The following VPS37A variants were observed in gnomAD, a reference collection of about 807,000 sequenced individuals.
VPS37A encodes the protein vacuolar protein sorting-associated protein 37A.
A neutral mutation model predicts 49.8 loss-of-function variants in VPS37A; 30 were observed. The observed-to-expected ratio is 0.60, with a 90% CI of 0.45 to 0.82. The LOEUF (loss-of-function observed/expected upper bound fraction) is 0.82. Among genes scored for constraint, VPS37A ranks in the 40% least tolerant of loss-of-function variants. The pLI, the probability that VPS37A is intolerant of heterozygous loss-of-function variation, is 0.00. For synonymous variants in VPS37A, 195 were observed against 160.6 expected, an observed-to-expected ratio of 1.21 and a Z score of -1.62; for missense variants, 593 against 464.4, an observed-to-expected ratio of 1.28 and a Z score of -2.55.
At chr8:17,269,152 A>G (rs1413293400) in intron 4 of VPS37A, among the ~76,000 whole-genome samples, 196 bp downstream of exon 4, 1 of 152,170 alleles carries the variant, frequency 6.6e-6, no homozygotes, top group Non-Finnish European at 1.5e-5. Flanking sequence ...CTTTCTGAAT[A>G]ATGTATGCGT....
chr8:17,304,169 T>G (rs1009070399), downstream of VPS37A, among the ~76,000 whole-genome samples: 15 of 152,162 alleles, frequency 9.9e-5, no homozygotes, highest in African/African-American at 3.4e-4. Flanking sequence ...CATCACCTCC[T>G]GAAGAAAATT....
chr8:17,277,934 G>A (rs1018233808), intron 6 of VPS37A, among the ~76,000 whole-genome samples: 2 of 148,420 alleles, frequency 1.3e-5, no homozygotes, highest in Admixed American at 6.7e-5. Context: ...ACATATGTTC[G>A]TATACATGTA....
chr8:17,259,951 A>G (rs1220540434), intron 1 of VPS37A, among the ~76,000 whole-genome samples: 1 of 152,044 alleles, frequency 6.6e-6, no homozygotes, highest in African/African-American at 2.4e-5. Flanking sequence ...CTTTCAGTCT[A>G]CGTGTGTCTT....
At chr8:17,322,061 T>C in the VPS37A span, among the ~76,000 whole-genome samples, 2 of 152,176 alleles carry the variant, frequency 1.3e-5, no homozygotes, top group Non-Finnish European at 2.9e-5. Context: ...GTCTTTCTTG[T>C]ACCCTGAGAT....
In VPS37A at chr8:17,280,304, T is replaced by A. The variant is rs987601069; in HGVS notation, c.900+7T>A. 14 of 1,609,716 alleles carry A rather than the reference T, an allele frequency of 8.7e-6. No individual in the cohort carries two copies. In the African/African-American group the frequency reaches 1.2e-4, roughly 14 times the overall value. ...ACAAACTGTTTTAGATAAGGTGAGT[T>A]AGTGATAATTTTGAAGAAATTTACA... On this transcript the variant is annotated splice_region_variant and intron_variant, in intron 8 of 11. Transcript: ENST00000324849.
At chr8:17,264,184 G>A (rs1336282294) in intron 1 of VPS37A, among the ~76,000 whole-genome samples, 1 of 152,112 alleles carries the variant, frequency 6.6e-6, no homozygotes, top group Non-Finnish European at 1.5e-5. Context: ...TAAATAAATG[G>A]TAAAGACAGG....
At chr8:17,271,472 G>T (rs1242684832) in intron 4 of VPS37A, among the ~76,000 whole-genome samples, 3 of 152,138 alleles carry the variant, frequency 2.0e-5, no homozygotes, top group Non-Finnish European at 4.4e-5. Flanking sequence ...TGGGCATGGT[G>T]GTGGGCACCT....
the VPS37A span, among the ~76,000 whole-genome samples, chr8:17,319,884 A>G: frequency 5.9e-5 from 9 of 152,170 alleles, no homozygotes; most frequent in African/African-American, 2.2e-4. Flanking sequence ...TGTGCTTTCT[A>G]TCACTTACAA....
At chr8:17,267,467 T>TTTTGTG (rs1554491549) in intron 2 of VPS37A, among the ~76,000 whole-genome samples, 18,636 of 151,366 alleles carry the variant, frequency 0.12, 1,423 homozygotes, top group South Asian at 0.2. Context: ...AAATTTCTGC[T>TTTTGTG]TGTGTGTGTG....
chr8:17,314,950 G>C, the VPS37A span, among the ~76,000 whole-genome samples: 2 of 152,188 alleles, frequency 1.3e-5, no homozygotes, highest in African/African-American at 4.8e-5. Flanking sequence ...ATGCAGAACG[G>C]TAAATGAGAG....
intron 11 of VPS37A, among the ~76,000 whole-genome samples, chr8:17,288,192 C>A (rs1264950187): frequency 2.0e-5 from 3 of 152,058 alleles, no homozygotes; most frequent in Admixed American, 2.0e-4. Flanking sequence ...ACCTCTATTC[C>A]CTCATAGTCA....
At chr8:17,256,386 C>G (rs1044721915) in intron 1 of VPS37A, among the ~76,000 whole-genome samples, 27 of 134,880 alleles carry the variant, frequency 2.0e-4, no homozygotes, top group African/African-American at 6.5e-4. Flanking sequence ...AGTCCCACTT[C>G]AGTCTTGCAC....
Position 17,297,493 on chromosome 8 carries a change from A to C in VPS37A, c.*2507A>C. 6.6e-6 allele frequency: 1 copy of C among 152,084 alleles called. No homozygotes were observed. Among genetic ancestry groups the C allele is most frequent in the Non-Finnish European group, 1.5e-5 (1 of 67,944 alleles). The allele number at this position is 152,084 out of a possible 1,614,324, so 9.4% of individuals were successfully genotyped here. A position where few individuals can be genotyped will look rare whatever the true frequency, so the allele number is the denominator to read the frequency against. On this transcript the variant is annotated 3_prime_UTR_variant, in exon 12 of 12. Transcript: ENST00000324849. ...TATTCTATGGTTTCTGTCTCTGATC[A>C]TCACCTTCCATTCTATAAAAAGCTC... is the stretch of plus-strand genomic sequence containing the variant.
downstream of VPS37A, chr8:17,298,975 G>A (rs543588827): frequency 1.3e-5 from 2 of 152,268 alleles, no homozygotes; most frequent in East Asian, 3.9e-4. Context: ...TCTGGTTCTT[G>A]AAACTGGATT....
intron 4 of VPS37A, among the ~76,000 whole-genome samples, chr8:17,270,092 C>T (rs928041284): frequency 1.3e-5 from 2 of 151,990 alleles, no homozygotes; most frequent in African/African-American, 4.8e-5. Flanking sequence ...CATGAGAACT[C>T]ACTATGGCAA....
intron 2 of VPS37A, among the ~76,000 whole-genome samples, chr8:17,267,132 A>T (rs1198169632): frequency 1.3e-5 from 2 of 152,188 alleles, no homozygotes; most frequent in Admixed American, 1.3e-4. Flanking sequence ...TAGCATAGTC[A>T]AGATACAAAC....
intron 9 of VPS37A, among the ~76,000 whole-genome samples, chr8:17,281,580 A>T (rs1815055999): frequency 6.6e-6 from 1 of 152,068 alleles, no homozygotes; most frequent in African/African-American, 2.4e-5. Context: ...TAATGTTAGG[A>T]ATAAGAGAGT....
chr8:17,278,218 G>A (rs1814708154), intron 6 of VPS37A, among the ~76,000 whole-genome samples: 1 of 151,962 alleles, frequency 6.6e-6, no homozygotes, highest in Non-Finnish European at 1.5e-5. Flanking sequence ...GCAGCAGTGA[G>A]GTCTGGTTGC....
chr8:17,282,835 G>C (rs1000379611), intron 9 of VPS37A, among the ~76,000 whole-genome samples: 1 of 152,092 alleles, frequency 6.6e-6, no homozygotes, highest in African/African-American at 2.4e-5. Flanking sequence ...TGAATCTTCT[G>C]CGCTCTTACA....
Sources: gnomAD v4.1 joint callset for allele counts (sites outside exome capture counted in the v4.1 genomes callset) on GRCh38, gnomAD v4.1.1 for gene constraint, MANE v1.5 for transcripts, NCBI Gene and HGNC (gene_info 2026-07-23, HGNC 2026-07-21) for gene names.